GPC5: variants seen among roughly 807,000 people sequenced by gnomAD.
The protein encoded by GPC5 is glypican 5.
Under a neutral mutation model 53.9 loss-of-function variants are expected in GPC5, and 47 were observed. The ratio of observed to expected loss-of-function variants is 0.87; its 90% CI spans 0.69 to 1.11. The LOEUF is 1.11. GPC5 is among the 50% of genes most tolerant of loss of function. The probability of loss-of-function intolerance (pLI) is 0.00; values close to 1 mark genes in which losing one functional copy is unlikely to be tolerated. For missense variants in GPC5, 748 were observed against 713.1 expected (o/e 1.05, Z -0.56); for synonymous variants, 286 against 263.3 (o/e 1.09, Z -0.84).
At chr13:92,071,758 T>G (rs2041212946) in intron 6 of GPC5, among the ~76,000 whole-genome samples, 1 of 151,032 alleles carries the variant, frequency 6.6e-6, no homozygotes, top group South Asian at 2.1e-4. Flanking sequence ...TAAATTTATA[T>G]GTTTTTTCAA....
chr13:91,923,641 A>C (rs2039739149), intron 6 of GPC5, among the ~76,000 whole-genome samples: 1 of 152,234 alleles, frequency 6.6e-6, no homozygotes, highest in African/African-American at 2.4e-5. Flanking sequence ...CAGTTTCATT[A>C]GCAATAAAAC....
At chr13:92,676,335 A>G (rs139399577) in intron 7 of GPC5, among the ~76,000 whole-genome samples, 230 of 152,310 alleles carry the variant, frequency 1.5e-3, no homozygotes, top group African/African-American at 5.0e-3. Flanking sequence ...ATATTTGGGA[A>G]TGTACTACTT....
chr13:91,957,499 A>G (rs2040084566), intron 6 of GPC5, among the ~76,000 whole-genome samples: 1 of 152,184 alleles, frequency 6.6e-6, no homozygotes, highest in Non-Finnish European at 1.5e-5. Context: ...TACAATTCAA[A>G]AAGGTCTTCT....
chr13:91,863,519 A>G (rs569340673), intron 5 of GPC5, among the ~76,000 whole-genome samples: 2 of 152,286 alleles, frequency 1.3e-5, no homozygotes, highest in Non-Finnish European at 2.9e-5. Flanking sequence ...CTGAAACTGA[A>G]TCTGTCCTGC....
intron 7 of GPC5, among the ~76,000 whole-genome samples, chr13:92,603,604 G>A (rs1373141644): frequency 6.6e-6 from 1 of 152,116 alleles, no homozygotes; most frequent in African/African-American, 2.4e-5. Flanking sequence ...ATTATGGGCT[G>A]GATAGATCTC....
At chr13:91,591,129 A>G (rs1172515906) in intron 2 of GPC5, among the ~76,000 whole-genome samples, 1 of 152,200 alleles carries the variant, frequency 6.6e-6, no homozygotes, top group African/African-American at 2.4e-5. Context: ...GTGTTTGTTA[A>G]AGACACATGT....
intron 2 of GPC5, among the ~76,000 whole-genome samples, chr13:91,532,744 T>C (rs1359325362): frequency 6.6e-6 from 1 of 152,002 alleles, no homozygotes; most frequent in Non-Finnish European, 1.5e-5. Flanking sequence ...TGCGCACCTG[T>C]GGTTCCAGCT....
chr13:91,590,693 G>A (rs1257192843), intron 2 of GPC5, among the ~76,000 whole-genome samples: 1 of 152,098 alleles, frequency 6.6e-6, no homozygotes, highest in Non-Finnish European at 1.5e-5. Context: ...GCTTTTCCCA[G>A]GGGCTTAATT....
chr13:92,764,506 T>A (rs956929203), intron 7 of GPC5, among the ~76,000 whole-genome samples: 4 of 152,068 alleles, frequency 2.6e-5, no homozygotes, highest in African/African-American at 9.7e-5. Context: ...ACTGCAGAAG[T>A]CCCCAGTGGT....
intron 7 of GPC5, among the ~76,000 whole-genome samples, chr13:92,237,408 T>TG (rs2042578744): frequency 6.6e-6 from 1 of 151,996 alleles, no homozygotes; most frequent in Admixed American, 6.6e-5. Flanking sequence ...TTAGTAAGGA[T>TG]GGGGTTTCAC....
intron 7 of GPC5, among the ~76,000 whole-genome samples, chr13:92,397,755 G>A (rs763768795): frequency 4.6e-5 from 7 of 151,976 alleles, no homozygotes; most frequent in East Asian, 1.9e-4. Flanking sequence ...ACTTATTGGC[G>A]CGGAAACAGC....
At chr13:92,188,335 C>T (rs2139044364) in intron 7 of GPC5, among the ~76,000 whole-genome samples, 1 of 152,014 alleles carries the variant, frequency 6.6e-6, no homozygotes, top group East Asian at 1.9e-4. Flanking sequence ...TTAAGAAATA[C>T]AATAGGAGAA....
At chr13:91,918,454 T>C (rs543134444) in intron 6 of GPC5, among the ~76,000 whole-genome samples, 4 of 152,330 alleles carry the variant, frequency 2.6e-5, no homozygotes, top group African/African-American at 9.6e-5. Context: ...TTTATGTCAA[T>C]GTAACACAAC....
chr13:91,471,611 G>A (rs1475161471), intron 2 of GPC5, among the ~76,000 whole-genome samples: 2 of 152,074 alleles, frequency 1.3e-5, no homozygotes, highest in African/African-American at 4.8e-5. Context: ...ATAAATACTA[G>A]TTATTCATTC....
chr13:92,118,331 A>G (rs929219811), intron 6 of GPC5, among the ~76,000 whole-genome samples: 32 of 152,112 alleles, frequency 2.1e-4, no homozygotes, highest in African/African-American at 7.5e-4. Flanking sequence ...TTTTTAAAAT[A>G]TTGCTAGATT....
intron 5 of GPC5, among the ~76,000 whole-genome samples, chr13:91,890,467 T>G (rs955064647): frequency 4.6e-5 from 7 of 152,190 alleles, no homozygotes; most frequent in African/African-American, 1.7e-4. Flanking sequence ...GTTGTTGGTC[T>G]GATCTCACAT....
chr13:91,950,058 G>A (rs538767282), intron 6 of GPC5, among the ~76,000 whole-genome samples: 3 of 152,064 alleles, frequency 2.0e-5, no homozygotes, highest in Non-Finnish European at 2.9e-5. Flanking sequence ...GCTTTGGAGG[G>A]AACAGCCTAT....
At chr13:92,731,132 T>C (rs975187370) in intron 7 of GPC5, among the ~76,000 whole-genome samples, 3 of 151,152 alleles carry the variant, frequency 2.0e-5, no homozygotes, top group Admixed American at 1.3e-4. Flanking sequence ...AAGAGAGGGA[T>C]AGAGAAAGAA....
At chr13:92,405,333 T>C (rs1348851319) in intron 7 of GPC5, among the ~76,000 whole-genome samples, 2 of 151,984 alleles carry the variant, frequency 1.3e-5, no homozygotes, top group African/African-American at 4.8e-5. Context: ...GAAACTAGAG[T>C]ACATGTAGAA....
Sources: allele counts gnomAD v4.1 joint callset (sites outside exome capture counted in the v4.1 genomes callset), GRCh38; gene constraint gnomAD v4.1.1; transcripts MANE v1.5; gene names NCBI Gene and HGNC (gene_info 2026-07-23, HGNC 2026-07-21).